The following CDK14 variants were observed in gnomAD, a reference collection of about 807,000 sequenced individuals.
CDK14 encodes the protein cyclin dependent kinase 14.
In CDK14, 34 loss-of-function variants were observed where a neutral mutation model predicts 60.7. That is an observed-to-expected ratio of 0.56 (90% CI 0.43 to 0.75). The LOEUF (loss-of-function observed/expected upper bound fraction) is 0.75. CDK14 is among the 30% of genes least tolerant of loss of function. CDK14 has a pLI of 0.00. For synonymous variants in CDK14, 197 were observed against 203.7 expected (o/e 0.97, Z 0.28); for missense variants, 482 against 564.1 (o/e 0.85, Z 1.47).
intron 10 of CDK14, among the ~76,000 whole-genome samples, chr7:91,025,389 C>G (rs566829900): frequency 6.6e-6 from 1 of 151,998 alleles, no homozygotes; most frequent in South Asian, 2.1e-4. Flanking sequence ...TTGGGGAAAC[C>G]TAGCTATTCC....
chr7:91,152,882 A>G (rs1395631537), intron 14 of CDK14, among the ~76,000 whole-genome samples: 2 of 152,226 alleles, frequency 1.3e-5, no homozygotes, highest in East Asian at 3.8e-4. Flanking sequence ...CTTATATAAT[A>G]ACTATATGCC....
chr7:90,992,483 G>A (rs1191717086), intron 10 of CDK14, among the ~76,000 whole-genome samples: 1 of 152,152 alleles, frequency 6.6e-6, no homozygotes, highest in East Asian at 1.9e-4. Flanking sequence ...TAACATTCCT[G>A]CTCTCATAGA....
At chr7:90,839,148 T>G (rs1463418523) in intron 5 of CDK14, among the ~76,000 whole-genome samples, 1 of 152,212 alleles carries the variant, frequency 6.6e-6, no homozygotes, top group Non-Finnish European at 1.5e-5. Context: ...TTGGGGGTGG[T>G]TCCCCTGATA....
chr7:91,143,698 G>C (rs79569962), intron 14 of CDK14, among the ~76,000 whole-genome samples: 5,146 of 151,750 alleles, frequency 0.034, 150 homozygotes, highest in Admixed American at 0.084. Flanking sequence ...GTGTTACAGA[G>C]TGAGACCCTG....
intron 2 of CDK14, among the ~76,000 whole-genome samples, chr7:90,724,490 AT>A (rs202040249): frequency 6.3e-5 from 9 of 143,410 alleles, no homozygotes; most frequent in African/African-American, 5.1e-5. Context: ...TTATTTATTT[AT>A]TTTTTTTTTA....
At chr7:90,686,619 C>A (rs1489404864) in intron 2 of CDK14, among the ~76,000 whole-genome samples, 3 of 152,158 alleles carry the variant, frequency 2.0e-5, no homozygotes, top group African/African-American at 7.2e-5. Context: ...CACTGTATCC[C>A]ATTCCCTATC....
At chr7:91,131,775 A>G (rs1213870521) in intron 14 of CDK14, among the ~76,000 whole-genome samples, 1 of 152,178 alleles carries the variant, frequency 6.6e-6, no homozygotes, top group Admixed American at 6.6e-5. Flanking sequence ...TTAGCCCTTC[A>G]GTATTGAAGT....
At chr7:90,898,688 G>A (rs1319810579) in intron 6 of CDK14, among the ~76,000 whole-genome samples, 2 of 152,014 alleles carry the variant, frequency 1.3e-5, no homozygotes. Context: ...AACAGCATGA[G>A]ATGTTGAATA....
At chr7:90,942,136 G>A (rs922263427) in intron 8 of CDK14, among the ~76,000 whole-genome samples, 22 of 152,158 alleles carry the variant, frequency 1.4e-4, no homozygotes, top group African/African-American at 4.8e-4. Flanking sequence ...GGGGGAAAGG[G>A]ATCCCTTATC....
intron 5 of CDK14, among the ~76,000 whole-genome samples, chr7:90,796,860 C>G (rs1788454309): frequency 6.6e-6 from 1 of 151,814 alleles, no homozygotes. Flanking sequence ...AGAAGTTGAA[C>G]CATGTATAAC....
intron 13 of CDK14, among the ~76,000 whole-genome samples, chr7:91,115,610 T>C (rs1204678071): frequency 2.0e-5 from 3 of 152,144 alleles, no homozygotes; most frequent in South Asian, 2.1e-4. Context: ...AAAACACTTA[T>C]GCAAGCAGGA....
At chr7:90,882,751 C>A (rs2117289984) in intron 6 of CDK14, among the ~76,000 whole-genome samples, 1 of 152,294 alleles carries the variant, frequency 6.6e-6, no homozygotes, top group South Asian at 2.1e-4. Context: ...TCTCTCAGAC[C>A]ACAATGCAAT....
At chr7:90,852,197 A>G (rs1790667677) in intron 5 of CDK14, among the ~76,000 whole-genome samples, 2 of 152,176 alleles carry the variant, frequency 1.3e-5, no homozygotes, top group Admixed American at 6.5e-5. Context: ...GTGTCTGGCA[A>G]ATCTTTTAAT....
intron 14 of CDK14, among the ~76,000 whole-genome samples, chr7:91,187,555 T>C (rs1189638469): frequency 6.6e-6 from 1 of 152,122 alleles, no homozygotes; most frequent in Non-Finnish European, 1.5e-5. Flanking sequence ...TTGTCTAGGG[T>C]AAATACCCAA....
intron 5 of CDK14, among the ~76,000 whole-genome samples, chr7:90,820,612 A>G (rs898797534): frequency 6.6e-6 from 1 of 151,992 alleles, no homozygotes; most frequent in Non-Finnish European, 1.5e-5. Flanking sequence ...AGTCAATTAA[A>G]CCTCTTCTCT....
At chr7:90,724,907 T>C (rs111298229) in intron 2 of CDK14, among the ~76,000 whole-genome samples, 1 of 152,134 alleles carries the variant, frequency 6.6e-6, no homozygotes, top group Non-Finnish European at 1.5e-5. Flanking sequence ...TTAAAAATAT[T>C]GCATGCTCCA....
At position 90,617,216 on chromosome 7, in the gene CDK14, A is replaced by G. The variant is rs78743929; in HGVS notation, c.123+12967A>G. ...AAAAAAGGAAATACAACAAATGGAT[A>G]ATGGGGAGATTGGGGTTTATTGAAA... On this transcript the variant is annotated intron_variant, in intron 2 of 14. Transcript: ENST00000380050. Among the ~76,000 whole-genome samples, 1,347 of 152,152 alleles carry G rather than the reference A, an allele frequency of 8.9e-3. 24 individuals carry two copies. Among genetic ancestry groups the G allele is most frequent in the African/African-American group, 0.029 (1,184 of 41,524 alleles).
At chr7:91,021,196 A>G (rs115841360) in intron 10 of CDK14, among the ~76,000 whole-genome samples, 2 of 152,282 alleles carry the variant, frequency 1.3e-5, no homozygotes, top group African/African-American at 2.4e-5. Context: ...ACTAGAAGCA[A>G]CATCACAGTT....
chr7:91,078,842 G>A (rs559382571), intron 11 of CDK14, among the ~76,000 whole-genome samples: 3 of 152,314 alleles, frequency 2.0e-5, no homozygotes, highest in African/African-American at 7.2e-5. Context: ...TGCAGCTGAA[G>A]AGATTATAAT....
Sources: gnomAD v4.1 joint callset for allele counts (sites outside exome capture counted in the v4.1 genomes callset) on GRCh38, gnomAD v4.1.1 for gene constraint, MANE v1.5 for transcripts, NCBI Gene and HGNC (gene_info 2026-07-23, HGNC 2026-07-21) for gene names.